Variants in SNX29 observed in about 807,000 individuals in gnomAD.
SNX29 encodes the protein sorting nexin 29, also known as sorting nexin-29.
In SNX29, 78 loss-of-function variants were observed where a neutral mutation model predicts 102.1. The ratio of observed to expected loss-of-function variants is 0.76; its 90% CI spans 0.64 to 0.92. SNX29 has a LOEUF of 0.92. SNX29 is among the 40% of genes least tolerant of loss of function. The pLI, the probability that SNX29 is intolerant of heterozygous loss-of-function variation, is 0.00. For missense variants in SNX29, 1,280 were observed against 1,061.7 expected, an observed-to-expected ratio of 1.21 and a Z score of -2.86; for synonymous variants, 580 against 414.5, an observed-to-expected ratio of 1.40 and a Z score of -4.85.
chr16:12,503,939 C>A (rs866316122), intron 19 of SNX29, among the ~76,000 whole-genome samples: 2 of 152,132 alleles, frequency 1.3e-5, no homozygotes, highest in Non-Finnish European at 2.9e-5. Flanking sequence ...ATTTAAAATG[C>A]ACAAGTCAGT....
intron 8 of SNX29, among the ~76,000 whole-genome samples, chr16:12,061,303 C>A (rs542933965): frequency 6.6e-6 from 1 of 152,332 alleles, no homozygotes; most frequent in African/African-American, 2.4e-5. Flanking sequence ...GTAGGGAGCA[C>A]AGTGCCTGGC....
Position 12,336,296 on chromosome 16 carries a change from C to T in SNX29, c.1783-19867C>T, listed in dbSNP as rs150983058. 2.0e-3 allele frequency among the ~76,000 whole-genome samples: 303 copies of T among 152,304 alleles called. 3 individuals are homozygous for T. The highest frequency in any genetic ancestry group is 6.5e-4 in the Non-Finnish European group (44 of 68,022). ...TATTCAGAATAGACTCTCTGCTCAG[C>T]ATCCTGCGTTGACACAGAAGCCGTA... On this transcript the variant is annotated intron_variant, in intron 15 of 20. Coordinates refer to ENST00000566228, the MANE Select transcript of SNX29 (RefSeq NM_032167.5).
intron 15 of SNX29, among the ~76,000 whole-genome samples, chr16:12,313,946 G>T (rs1011698040): frequency 1.3e-5 from 2 of 152,234 alleles, no homozygotes; most frequent in African/African-American, 2.4e-5. Context: ...CTCAAGTCCA[G>T]TTCTTTGGTT....
intron 15 of SNX29, among the ~76,000 whole-genome samples, chr16:12,334,758 AGTG>A (rs1341448542): frequency 1.3e-5 from 2 of 152,138 alleles, no homozygotes; most frequent in African/African-American, 4.8e-5. Context: ...GGGGCTCAGT[AGTG>A]GTGGCCCTGT....
chr16:12,566,022 G>A (rs539485159), intron 20 of SNX29, among the ~76,000 whole-genome samples: 82 of 152,308 alleles, frequency 5.4e-4, no homozygotes, highest in Middle Eastern at 6.8e-3. Flanking sequence ...CAGCATGGTG[G>A]TGACACAGGT....
At chr16:12,493,699 G>T (rs1375420650) in intron 19 of SNX29, among the ~76,000 whole-genome samples, 1 of 152,078 alleles carries the variant, frequency 6.6e-6, no homozygotes, top group East Asian at 1.9e-4. Flanking sequence ...TCAAATGATT[G>T]TCCTGCCTCA....
At chr16:12,552,570 T>TTGC (rs1409792647) in intron 20 of SNX29, among the ~76,000 whole-genome samples, 2 of 152,012 alleles carry the variant, frequency 1.3e-5, no homozygotes, top group Middle Eastern at 3.4e-3. Flanking sequence ...GCCAGCCAAG[T>TTGC]TGCTGCCCTC....
chr16:12,463,853 T>TGTGTGTGTGA (rs1215790835), intron 18 of SNX29, among the ~76,000 whole-genome samples: 6 of 137,386 alleles, frequency 4.4e-5, no homozygotes, highest in Non-Finnish European at 8.1e-5. Context: ...TGTGTGTGTG[T>TGTGTGTGTGA]GAGAGATGAC....
At chr16:12,403,965 G>A (rs1005349564) in intron 18 of SNX29, among the ~76,000 whole-genome samples, 1 of 152,168 alleles carries the variant, frequency 6.6e-6, no homozygotes, top group East Asian at 1.9e-4. Flanking sequence ...AGCAGCGCCA[G>A]GTTCTCAGCC....
In SNX29 at chr16:12,259,208, A is replaced by G. The variant is rs191181295; in HGVS notation, c.1679-18725A>G. ...GTTTGTCATTTATTATATCGTTCCGATTTGTCAAGGTCTCCTTCTCAACGT... is the reference window on the plus strand; with the variant it reads ...GTTTGTCATTTATTATATCGTTCCGGTTTGTCAAGGTCTCCTTCTCAACGT... On this transcript the variant is annotated intron_variant, in intron 14 of 20. Transcript: ENST00000566228. Among the ~76,000 whole-genome samples the G allele has an allele frequency of 1.2e-3, 183 of 152,100 alleles. 1 individual carries two copies. The highest frequency in any genetic ancestry group is 4.2e-3 in the African/African-American group (176 of 41,484).
intron 7 of SNX29, among the ~76,000 whole-genome samples, chr16:12,050,231 C>G (rs1008641649): frequency 6.6e-6 from 1 of 152,154 alleles, no homozygotes; most frequent in Non-Finnish European, 1.5e-5. Context: ...CCAGTGAGGC[C>G]TCACCGCATC....
intron 20 of SNX29, among the ~76,000 whole-genome samples, chr16:12,547,822 C>T (rs1465983889): frequency 6.6e-6 from 1 of 152,200 alleles, no homozygotes; most frequent in East Asian, 1.9e-4. Context: ...GCAGGGACAG[C>T]CTTACTGAGC....
rs1286966107 is a variant in SNX29, at chr16:12,573,551, T to A, written c.*4922T>A. The A allele has an allele frequency of 4.5e-6, 1 of 224,338 alleles. No individual in the cohort carries two copies. The highest frequency in any genetic ancestry group is 2.2e-5 in the African/African-American group (1 of 44,860). 13.9% of individuals were successfully genotyped at this position (224,338 alleles called of 1,614,324 possible). ...TTACTGGTGCGTAAGTGTTTTCCCA[T>A]CCTAACCGGAAAACCACTCACCCAG... On this transcript the variant is annotated 3_prime_UTR_variant, in exon 21 of 21. Transcript: ENST00000566228.
chr16:12,000,849 G>A (rs138643692), intron 2 of SNX29, among the ~76,000 whole-genome samples: 347 of 152,218 alleles, frequency 2.3e-3, no homozygotes, highest in Non-Finnish European at 4.1e-3. Context: ...GGGACAACTC[G>A]TGCACCCTCC....
intron 16 of SNX29, among the ~76,000 whole-genome samples, chr16:12,379,312 G>T (rs1334038105): frequency 2.0e-5 from 3 of 152,134 alleles, no homozygotes; most frequent in Non-Finnish European, 4.4e-5. Flanking sequence ...GTAGAGTTGG[G>T]GGTCTCCGTA....
chr16:12,363,427 G>A (rs2082362893), intron 16 of SNX29, among the ~76,000 whole-genome samples: 2 of 152,090 alleles, frequency 1.3e-5, no homozygotes, highest in African/African-American at 2.4e-5. Context: ...CAGGGTGTTC[G>A]AGTGACTCAG....
chr16:12,306,975 G>C (rs972677380), intron 15 of SNX29, among the ~76,000 whole-genome samples: 3 of 152,188 alleles, frequency 2.0e-5, no homozygotes, highest in Middle Eastern at 3.2e-3. Context: ...GAAAGGGTGT[G>C]AGGGAAGTAG....
At chr16:12,377,923 G>T (rs1043415653) in intron 16 of SNX29, among the ~76,000 whole-genome samples, 1 of 152,118 alleles carries the variant, frequency 6.6e-6, no homozygotes, top group Non-Finnish European at 1.5e-5. Context: ...TCATTTTCAG[G>T]CCTTGGCATG....
intron 14 of SNX29, among the ~76,000 whole-genome samples, chr16:12,202,805 T>A (rs2076945461): frequency 6.6e-6 from 1 of 152,264 alleles, no homozygotes; most frequent in African/African-American, 2.4e-5. Flanking sequence ...GTTGGCTTCC[T>A]GCCTGCAGAG....
Sources: allele counts gnomAD v4.1 joint callset (sites outside exome capture counted in the v4.1 genomes callset), GRCh38; gene constraint gnomAD v4.1.1; transcripts MANE v1.5; gene names NCBI Gene and HGNC (gene_info 2026-07-23, HGNC 2026-07-21).